Variants in UNC79 observed in about 807,000 individuals in gnomAD.
UNC79 encodes the protein protein unc-79 homolog.
Under a neutral mutation model 283.1 loss-of-function variants are expected in UNC79, and 37 were observed. The ratio of observed to expected loss-of-function variants is 0.13; its 90% CI spans 0.10 to 0.17. The LOEUF is 0.17. Among genes scored for constraint, UNC79 ranks in the 10% least tolerant of loss-of-function variants. The pLI, the probability that UNC79 is intolerant of heterozygous loss-of-function variation, is 1.00. For synonymous variants in UNC79, 1,107 were observed against 1,200.2 expected (o/e 0.92, Z 1.61); for missense variants, 2,272 against 3,211.1 (o/e 0.71, Z 7.07).
At chr14:93,597,703 G>A (rs1028776010) in intron 24 of UNC79, among the ~76,000 whole-genome samples, 163 bp downstream of exon 24, 2 of 152,130 alleles carry the variant, frequency 1.3e-5, no homozygotes, top group South Asian at 2.1e-4. Flanking sequence ...ATTGTCTGCC[G>A]AGGGCCTGCT....
chr14:93,532,726 A>G lies in UNC79; in HGVS notation c.1122+148A>G, dbSNP rs1016449608. On this transcript the variant is annotated intron_variant, in intron 11 of 48. Transcript: ENST00000555664. ...GGAGGGGTAAAGGAAATAATTTAGC[A>G]TGCAAGATTGCTACATCCAAATGGT... 16 of 920,244 alleles carry G rather than the reference A, an allele frequency of 1.7e-5. No individual in the cohort carries two copies. The East Asian group carries it at 4.3e-4, about 25-fold the overall frequency. The allele number at this position is 920,244 out of a possible 1,614,324, so 57.0% of individuals were successfully genotyped here.
rs1362479880 is a variant in UNC79, at chr14:93,704,675, C to T, written c.7590+9C>T. ...TTCAGTCAAATATCAAGGTAAGTCA[C>T]TCCCTGGGCTGATTGGAAGCTCGGT... On this transcript the variant is annotated intron_variant, in intron 48 of 48. Transcript: ENST00000555664. The T allele has an allele frequency of 6.2e-7, 1 of 1,614,176 alleles. No individual in the cohort carries two copies. The highest frequency in any genetic ancestry group is 1.7e-5 in the Admixed American group (1 of 60,028).
rs531596182 is a variant in UNC79 at position 93,660,438 on chromosome 14, T to C, written c.6525+1177T>C. ...ATATAGGCTTGAATTCAGGCTTCTC[T>C]TTTTGACCAATAAGGATACATTATG... On this transcript the variant is annotated intron_variant, in intron 39 of 48. Transcript: ENST00000555664. 4.4e-3 allele frequency among the ~76,000 whole-genome samples: 659 copies of C among 150,268 alleles called. 4 individuals carry two copies. The highest frequency in any genetic ancestry group is 0.016 in the African/African-American group (638 of 40,890).
At chr14:93,572,663 G>T in intron 15 of UNC79, 30 bp from the exon 16 acceptor site, 1 of 1,613,054 alleles carries the variant, frequency 6.2e-7, no homozygotes, top group Non-Finnish European at 8.5e-7. Context: ...ATGCCCATTG[G>T]TCATTTACTT....
intron 1 of UNC79, among the ~76,000 whole-genome samples, chr14:93,356,924 G>A (rs1028388785): frequency 7.9e-5 from 12 of 152,108 alleles, no homozygotes; most frequent in Admixed American, 2.0e-4. Context: ...ATTGTATGTC[G>A]TGAGGTTTGG....
chr14:93,603,474 G>C (rs2065662087), intron 26 of UNC79, 56 bp downstream of exon 26: 1 of 1,568,158 alleles, frequency 6.4e-7, no homozygotes, highest in Non-Finnish European at 8.7e-7. Context: ...TTCTGAGGCT[G>C]ACTTGTCTTG....
chr14:93,417,197 G>C, intron 1 of UNC79, among the ~76,000 whole-genome samples: 1 of 151,918 alleles, frequency 6.6e-6, no homozygotes, highest in South Asian at 2.1e-4. Context: ...TCCTTCAGGA[G>C]CTCTTTTAGG....
chr14:93,692,193 C>T (rs77200577), intron 46 of UNC79, among the ~76,000 whole-genome samples: 2,751 of 152,154 alleles, frequency 0.018, 80 homozygotes, highest in African/African-American at 0.063. Flanking sequence ...CAGTTAATAA[C>T]AATATATTCT....
intron 2 of UNC79, among the ~76,000 whole-genome samples, chr14:93,472,997 T>C (rs1180400754): frequency 6.6e-6 from 1 of 152,164 alleles, no homozygotes; most frequent in Non-Finnish European, 1.5e-5. Context: ...TAACTTCTTC[T>C]ATTTTTAAAT....
chr14:93,565,039 C>CAGA (rs139722699), intron 14 of UNC79, among the ~76,000 whole-genome samples: 2,641 of 152,216 alleles, frequency 0.017, 36 homozygotes, highest in South Asian at 0.075. Context: ...GCTAAGAGAC[C>CAGA]AGAAGTACAG....
chr14:93,523,847 A>T, intron 7 of UNC79, 131 bp from the exon 8 acceptor site: 1 of 920,744 alleles, frequency 1.1e-6, no homozygotes, highest in African/African-American at 1.7e-5. Flanking sequence ...ATAGATTAAA[A>T]AGATGATTCT....
chr14:93,624,128 G>A (rs1159005942), intron 30 of UNC79, among the ~76,000 whole-genome samples: 2 of 152,134 alleles, frequency 1.3e-5, no homozygotes, highest in African/African-American at 4.8e-5. Flanking sequence ...TTTTCCCGCT[G>A]TTCCACACAA....
chr14:93,688,276 C>T lies in UNC79; in HGVS notation c.6910-389C>T, dbSNP rs775207063. The stretch of plus-strand genomic sequence containing the variant: ...ATTGCTATGAAAAAGAGGCAGAAGG[C>T]AGCACGGACCTGGCCGGGGAGGTCA... On this transcript the variant is annotated intron_variant, in intron 43 of 48. Coordinates refer to ENST00000555664, the Ensembl canonical transcript of UNC79. This position sits in a 1 kb window ranked among gnomAD's most constrained non-coding sequence, Gnocchi z 4.0. 8.5e-5 allele frequency among the ~76,000 whole-genome samples: 13 copies of T among 152,120 alleles called. No homozygotes were observed.
At chr14:93,427,819 A>G (rs1195747061), upstream of UNC79, among the ~76,000 whole-genome samples, 4 of 152,158 alleles carry the variant, frequency 2.6e-5, no homozygotes, top group Non-Finnish European at 4.4e-5. Context: ...GGGGGCTTCT[A>G]ATGTCTCTAA....
intron 7 of UNC79, among the ~76,000 whole-genome samples, chr14:93,503,407 T>C (rs2059388843): frequency 6.6e-6 from 1 of 152,130 alleles, no homozygotes; most frequent in South Asian, 2.1e-4. Context: ...ACATTTCTGT[T>C]AGGTGCCTAA....
chr14:93,376,186 A>G (rs1009160030), intron 1 of UNC79, among the ~76,000 whole-genome samples: 8 of 152,356 alleles, frequency 5.3e-5, no homozygotes, highest in African/African-American at 1.9e-4. Flanking sequence ...TTAAGTTTCT[A>G]AGTTTTAGGC....
chr14:93,663,805 A>C (rs2071859364), intron 40 of UNC79, among the ~76,000 whole-genome samples: 1 of 152,172 alleles, frequency 6.6e-6, no homozygotes, highest in African/African-American at 2.4e-5. Context: ...CACAGCACCA[A>C]AAAGATTTTC....
chr14:93,549,366 A>G (rs2061758473), intron 14 of UNC79, among the ~76,000 whole-genome samples: 1 of 152,344 alleles, frequency 6.6e-6, no homozygotes, highest in African/African-American at 2.4e-5. Context: ...TTTGAGTAGT[A>G]AGCCCAGGTA....
chr14:93,657,643 G>A (rs1382566097), intron 38 of UNC79, among the ~76,000 whole-genome samples: 1 of 152,172 alleles, frequency 6.6e-6, no homozygotes, highest in Non-Finnish European at 1.5e-5. Flanking sequence ...GAGCCAAAGC[G>A]CCCGGCTGAG....
Sources: gnomAD v4.1 joint callset for allele counts (sites outside exome capture counted in the v4.1 genomes callset) on GRCh38, gnomAD v4.1.1 for gene constraint, Gnocchi (gnomAD v3.1) non-coding constraint, MANE v1.5 for transcripts, NCBI Gene and HGNC (gene_info 2026-07-23, HGNC 2026-07-21) for gene names.